Variants in RBFOX2 observed in about 807,000 individuals in gnomAD.
The protein encoded by RBFOX2 is RNA binding protein fox-1 homolog 2.
A neutral mutation model predicts 49.1 loss-of-function variants in RBFOX2; 10 were observed. The ratio of observed to expected loss-of-function variants is 0.20; its 90% CI spans 0.13 to 0.35. RBFOX2 has a LOEUF of 0.35. Among genes scored for constraint, RBFOX2 ranks in the 10% least tolerant of loss-of-function variants. RBFOX2 has a pLI of 1.00. For missense variants in RBFOX2, 323 were observed against 486.9 expected (o/e 0.66, Z 3.17); for synonymous variants, 183 against 187.4 (o/e 0.98, Z 0.19).
chr22:35,853,158 G>A (rs1203080440), intron 1 of RBFOX2, among the ~76,000 whole-genome samples: 3 of 151,830 alleles, frequency 2.0e-5, no homozygotes, highest in African/African-American at 7.3e-5. Flanking sequence ...GCCGGGCGTG[G>A]TGGTGGGTGC....
intron 1 of RBFOX2, among the ~76,000 whole-genome samples, chr22:35,889,756 G>T (rs927858057): frequency 3.3e-5 from 5 of 152,132 alleles, no homozygotes; most frequent in African/African-American, 1.2e-4. Context: ...TACATTTTGT[G>T]ATAATTCAAT....
At chr22:35,809,978 A>C (rs1951532826) in exon 2 of RBFOX2, 3 of 1,614,086 alleles carry the variant, frequency 1.9e-6, no homozygotes, top group Middle Eastern at 1.6e-4. Context: ...CCATTGCGTC[A>C]GGAGTTGTTG....
chr22:35,958,679 G>A (rs550152564), intron 1 of RBFOX2, among the ~76,000 whole-genome samples: 14 of 152,242 alleles, frequency 9.2e-5, no homozygotes, highest in East Asian at 1.9e-4. Context: ...TAATTACCAC[G>A]TTAATTCTTG....
At chr22:35,899,638 T>C (rs2048330188) in intron 1 of RBFOX2, among the ~76,000 whole-genome samples, 1 of 151,500 alleles carries the variant, frequency 6.6e-6, no homozygotes, top group Non-Finnish European at 1.5e-5. Flanking sequence ...TATTTCCAAT[T>C]ATCAAAGTCA....
chr22:35,901,733 A>C (rs1194784294), intron 1 of RBFOX2, among the ~76,000 whole-genome samples: 1 of 152,140 alleles, frequency 6.6e-6, no homozygotes, highest in African/African-American at 2.4e-5. Flanking sequence ...GATTTGTTAG[A>C]GCTCTTACTC....
intron 9 of RBFOX2, among the ~76,000 whole-genome samples, chr22:35,751,797 G>T (rs1020739795): frequency 1.3e-5 from 2 of 152,124 alleles, no homozygotes; most frequent in African/African-American, 4.8e-5. Context: ...GGAAAAAATT[G>T]CTATGATCAA....
intron 1 of RBFOX2, among the ~76,000 whole-genome samples, chr22:35,874,330 C>T (rs1304800809): frequency 1.3e-5 from 2 of 150,720 alleles, no homozygotes; most frequent in East Asian, 1.9e-4. Flanking sequence ...GTATGTTGAG[C>T]GGAAAAAAAA....
chr22:35,792,382 T>G (rs1037393442), intron 2 of RBFOX2, among the ~76,000 whole-genome samples: 16 of 147,954 alleles, frequency 1.1e-4, no homozygotes, highest in Non-Finnish European at 6.0e-5. Context: ...AAAAAGAAAT[T>G]AGGCAACTAT....
intron 1 of RBFOX2, among the ~76,000 whole-genome samples, chr22:35,984,819 A>G (rs2057629325): frequency 6.6e-6 from 1 of 152,196 alleles, no homozygotes; most frequent in Admixed American, 6.5e-5. Flanking sequence ...ACCCTTACCC[A>G]GTCTGCATAG....
At chr22:35,742,766 G>C (rs1569189488) in exon 12 of RBFOX2, 1 of 152,378 alleles carries the variant, frequency 6.6e-6, no homozygotes, top group Non-Finnish European at 1.5e-5. Flanking sequence ...CTCACTGCGC[G>C]ACTCTTTCTG....
At chr22:35,812,619 C>T (rs1249002688) in intron 1 of RBFOX2, among the ~76,000 whole-genome samples, 2 of 152,144 alleles carry the variant, frequency 1.3e-5, no homozygotes, top group Non-Finnish European at 2.9e-5. Flanking sequence ...GAATGAAACA[C>T]AATAAGAGCA....
intron 2 of RBFOX2, among the ~76,000 whole-genome samples, chr22:35,803,939 A>T (rs1382296121): frequency 6.6e-6 from 1 of 152,144 alleles, no homozygotes; most frequent in Non-Finnish European, 1.5e-5. Flanking sequence ...TTCAGACTGA[A>T]TTTTTTTAAG....
exon 12 of RBFOX2, chr22:35,743,946 CCA>C (rs1316291894): frequency 1.7e-5 from 6 of 359,510 alleles, no homozygotes; most frequent in African/African-American, 1.3e-4. Flanking sequence ...TTTTTTTTTA[CCA>C]CAGTTTAAAA....
rs773120633 is a variant in RBFOX2 at position 35,857,686 on chromosome 22, T to C, written c.-33-47682A>G. 4.6e-5 allele frequency among the ~76,000 whole-genome samples: 7 copies of C among 152,172 alleles called. 1 individual carries two copies. Among genetic ancestry groups the C allele is most frequent in the East Asian group, 1.9e-4 (1 of 5,200 alleles). ...TCCCACACTGATGCAGTCTGTAACA[T>C]TTATTATACATCAACCATGTACTCC... On this transcript the variant is annotated intron_variant, in intron 1 of 13. Transcript: ENST00000359369.
intron 1 of RBFOX2, among the ~76,000 whole-genome samples, chr22:35,989,983 A>G (rs568253720): frequency 6.6e-6 from 1 of 152,316 alleles, no homozygotes; most frequent in Admixed American, 6.5e-5. Flanking sequence ...GGAGTTCGAG[A>G]CCAGCCTGGC....
At chr22:35,793,805 A>G (rs1338573211) in intron 2 of RBFOX2, among the ~76,000 whole-genome samples, 5 of 152,202 alleles carry the variant, frequency 3.3e-5, no homozygotes, top group Non-Finnish European at 7.4e-5. Context: ...TGGGCATTCA[A>G]ATGTAAGCTA....
intron 1 of RBFOX2, among the ~76,000 whole-genome samples, chr22:35,881,664 T>C (rs1380832924): frequency 6.6e-6 from 1 of 151,406 alleles, no homozygotes; most frequent in Non-Finnish European, 1.5e-5. Flanking sequence ...ATTTCTTAAT[T>C]ATAAGAAAAC....
At chr22:35,910,371 G>C (rs1177454915) in intron 1 of RBFOX2, among the ~76,000 whole-genome samples, 1 of 152,184 alleles carries the variant, frequency 6.6e-6, no homozygotes, top group Non-Finnish European at 1.5e-5. Flanking sequence ...ATTAATAGAT[G>C]CTTTTTTACA....
chr22:35,983,337 CTA>C (rs1309723134), intron 1 of RBFOX2, among the ~76,000 whole-genome samples: 1 of 152,124 alleles, frequency 6.6e-6, no homozygotes, highest in African/African-American at 2.4e-5. Flanking sequence ...TCCTTATTAA[CTA>C]TAGTTGTCAA....
Sources: allele counts gnomAD v4.1 joint callset (sites outside exome capture counted in the v4.1 genomes callset), GRCh38; gene constraint gnomAD v4.1.1; transcripts MANE v1.5; gene names NCBI Gene and HGNC (gene_info 2026-07-23, HGNC 2026-07-21).